The following NBAS variants were observed in gnomAD, a reference collection of about 807,000 sequenced individuals.
The protein encoded by NBAS is NBAS subunit of NRZ tethering complex, also known as NAG/BC035112 fusion.
NBAS carries 219 observed loss-of-function variants against 302.5 expected under a neutral mutation model. The ratio of observed to expected loss-of-function variants is 0.72; its 90% CI spans 0.65 to 0.81. The LOEUF (loss-of-function observed/expected upper bound fraction) is 0.81. Among genes scored for constraint, NBAS ranks in the 30% least tolerant of loss-of-function variants. The pLI is 0.00. For synonymous variants in NBAS, 1,118 were observed against 1,021.6 expected, an observed-to-expected ratio of 1.09 and a Z score of -1.80; for missense variants, 2,932 against 2,841.6, an observed-to-expected ratio of 1.03 and a Z score of -0.72.
At chr2:15,073,987 T>C in the NBAS span, among the ~76,000 whole-genome samples, 1,261 of 152,304 alleles carry the variant, frequency 8.3e-3, 20 homozygotes, top group African/African-American at 0.028. Context: ...TAGTTCATTG[T>C]GGATAAAACA....
At chr2:15,267,241 C>T (rs1399599915) in intron 44 of NBAS, among the ~76,000 whole-genome samples, 1 of 152,168 alleles carries the variant, frequency 6.6e-6, no homozygotes, top group Admixed American at 6.5e-5. Context: ...AGGCAAGGGC[C>T]ATGGCAATCT....
At chr2:15,553,531 T>C in intron 4 of NBAS, 58 bp from the exon 5 acceptor site, 3 of 1,385,232 alleles carry the variant, frequency 2.2e-6, no homozygotes, top group Non-Finnish European at 3.1e-6. Flanking sequence ...ATAGCAGTTT[T>C]CAGCACAGAT....
chr2:15,444,203 T>C (rs962598971), intron 21 of NBAS, among the ~76,000 whole-genome samples: 1 of 151,944 alleles, frequency 6.6e-6, no homozygotes, highest in African/African-American at 2.4e-5. Context: ...CAAGTCAATC[T>C]TAAGCCAAAA....
At chr2:15,116,368 T>C in the NBAS span, among the ~76,000 whole-genome samples, 1 of 152,100 alleles carries the variant, frequency 6.6e-6, no homozygotes, top group Non-Finnish European at 1.5e-5. Flanking sequence ...GCTCTCTTCC[T>C]GGCCTGCAGA....
intron 21 of NBAS, among the ~76,000 whole-genome samples, chr2:15,430,117 G>A (rs1677687634): frequency 6.6e-6 from 1 of 152,096 alleles, no homozygotes; most frequent in Non-Finnish European, 1.5e-5. Flanking sequence ...TGTATCACAA[G>A]TTGAGATTTG....
the NBAS span, among the ~76,000 whole-genome samples, chr2:14,948,711 T>C: frequency 1.4e-5 from 2 of 145,656 alleles, no homozygotes; most frequent in Non-Finnish European, 3.0e-5. Context: ...AAAATACCAA[T>C]GACATTATTC....
the NBAS span, among the ~76,000 whole-genome samples, chr2:15,043,853 C>A: frequency 6.6e-6 from 1 of 152,196 alleles, no homozygotes; most frequent in Non-Finnish European, 1.5e-5. Flanking sequence ...CTGACTCATC[C>A]CCACACTAGC....
At chr2:15,015,406 T>G in the NBAS span, among the ~76,000 whole-genome samples, 1 of 152,060 alleles carries the variant, frequency 6.6e-6, no homozygotes, top group African/African-American at 2.4e-5. Context: ...ACTAGCAACC[T>G]GAATCCAACA....
rs774935620 is a variant in NBAS at position 15,167,074 on chromosome 2, G to C, written c.7090C>G (p.Leu2364Val). The change falls in exon 52 of 52, where the codon CTC becomes GTC. Residue 2364 changes from leucine (L) to valine (V), a missense_variant. Coordinates refer to ENST00000281513, the MANE Select transcript of NBAS (RefSeq NM_015909.4). ...HQAFRTFSTA[L>V]RAAQHWV Reference sequence around the variant, plus strand: ...CACACCCAGTGCTGTGCTGCGCGGAGGGCTGTACTGAAGGTTCTGAAGGCC... The same window carrying C: ...CACACCCAGTGCTGTGCTGCGCGGACGGCTGTACTGAAGGTTCTGAAGGCC... 1.2e-6 allele frequency: 2 copies of C among 1,604,366 alleles called. No individual in the cohort carries two copies. The highest frequency in any genetic ancestry group is 1.1e-5 in the South Asian group (1 of 89,498).
At chr2:15,360,649 C>CT (rs369254532) in intron 32 of NBAS, among the ~76,000 whole-genome samples, 11,257 of 123,164 alleles carry the variant, frequency 0.091, 1,413 homozygotes, top group African/African-American at 0.27. Context: ...CATGACCAGC[C>CT]TTTTTTTTTT....
At chr2:15,225,647 G>A (rs1389514640) in intron 47 of NBAS, among the ~76,000 whole-genome samples, 1 of 152,192 alleles carries the variant, frequency 6.6e-6, no homozygotes, top group East Asian at 1.9e-4. Context: ...AGCTGAGACT[G>A]TGGTGAAGTA....
At chr2:15,510,606 T>C (rs1662092088) in intron 10 of NBAS, among the ~76,000 whole-genome samples, 1 of 152,208 alleles carries the variant, frequency 6.6e-6, no homozygotes, top group Non-Finnish European at 1.5e-5. Flanking sequence ...ATTATCAAAA[T>C]AGAACCTAGC....
At chr2:15,039,385 G>GA in the NBAS span, among the ~76,000 whole-genome samples, 2 of 152,084 alleles carry the variant, frequency 1.3e-5, no homozygotes, top group African/African-American at 4.8e-5. Context: ...AATCCTCATA[G>GA]AAAAAAGTCA....
At chr2:15,255,069 C>T (rs950477692) in intron 44 of NBAS, among the ~76,000 whole-genome samples, 6 of 152,082 alleles carry the variant, frequency 3.9e-5, no homozygotes, top group African/African-American at 9.7e-5. Flanking sequence ...TCTTTTCTTC[C>T]GGGTTAAATA....
chr2:15,247,723 C>T (rs201514460), intron 44 of NBAS, among the ~76,000 whole-genome samples: 31,098 of 85,994 alleles, frequency 0.36, 4,037 homozygotes, highest in East Asian at 0.67. Flanking sequence ...TCTATATATA[C>T]CTCTATCTAT....
At chr2:15,230,393 CAAAAA>C (rs35319491) in intron 47 of NBAS, among the ~76,000 whole-genome samples, 2 of 90,514 alleles carry the variant, frequency 2.2e-5, no homozygotes, top group African/African-American at 3.8e-5. Context: ...ATTTTTTAGG[CAAAAA>C]AAAAAAAAAA....
chr2:15,233,631 G>A (rs1434088027), intron 46 of NBAS, among the ~76,000 whole-genome samples: 3 of 151,990 alleles, frequency 2.0e-5, no homozygotes, highest in Non-Finnish European at 4.4e-5. Context: ...ATCCTAATAA[G>A]CAAACAATAA....
At chr2:14,808,044 T>C in the NBAS span, among the ~76,000 whole-genome samples, 1 of 152,216 alleles carries the variant, frequency 6.6e-6, no homozygotes, top group African/African-American at 2.4e-5. Flanking sequence ...AAGCATGACA[T>C]AGTTATTTCA....
chr2:14,880,572 A>G, the NBAS span, among the ~76,000 whole-genome samples: 1 of 152,028 alleles, frequency 6.6e-6, no homozygotes, highest in East Asian at 1.9e-4. Flanking sequence ...ATTATAAGGT[A>G]AAAAGGAGGA....
Sources: gnomAD v4.1 joint callset for allele counts (sites outside exome capture counted in the v4.1 genomes callset) on GRCh38, gnomAD v4.1.1 for gene constraint, MANE v1.5 for transcripts, NCBI Gene and HGNC (gene_info 2026-07-23, HGNC 2026-07-21) for gene names.